The following CALN1 variants were observed in gnomAD, a reference collection of about 807,000 sequenced individuals.
CALN1 encodes calneuron 1, also known as calcium-binding protein 8.
CALN1 carries 17 observed loss-of-function variants against 30.6 expected under a neutral mutation model. The observed-to-expected ratio is 0.56, with a 90% CI of 0.38 to 0.83. CALN1 has a LOEUF of 0.83. Ranked by LOEUF, CALN1 falls within the 40% of genes least tolerant of loss-of-function variation. The pLI is 0.00. For missense variants in CALN1, 291 were observed against 354.9 expected, an observed-to-expected ratio of 0.82 and a Z score of 1.45; for synonymous variants, 156 against 131.4, an observed-to-expected ratio of 1.19 and a Z score of -1.28.
chr7:72,478,513 A>G, the CALN1 span, among the ~76,000 whole-genome samples: 1 of 151,846 alleles, frequency 6.6e-6, no homozygotes, highest in Admixed American at 6.6e-5. Context: ...GCAGTAAGCT[A>G]TGATCACACC....
In CALN1 at chr7:71,783,743, TTCTC is replaced by T. The variant is rs1792841755; in HGVS notation, c.*4028_*4031del. ...GGCATTTGGAATAAAAGGTAAACTTTTCTCTCTCAGTTCTGAAACATATCGCTTT... is the reference window on the plus strand; with the variant it reads ...GGCATTTGGAATAAAAGGTAAACTTTTCTCAGTTCTGAAACATATCGCTTT... On this transcript the variant is annotated 3_prime_UTR_variant, in exon 7 of 7. Transcript: ENST00000395275. The T allele has an allele frequency of 6.5e-6, 1 of 152,672 alleles. No individual in the cohort carries two copies. Among genetic ancestry groups the T allele is most frequent in the African/African-American group, 2.4e-5 (1 of 41,462 alleles). 9.5% of individuals were successfully genotyped at this position (152,672 alleles called of 1,614,324 possible).
At chr7:72,439,268 G>A (rs1288122831) in intron 1 of CALN1, among the ~76,000 whole-genome samples, 1 of 152,150 alleles carries the variant, frequency 6.6e-6, no homozygotes, top group East Asian at 1.9e-4. Context: ...CTGAGCTCAT[G>A]CAATCCTCCT....
At chr7:71,865,700 G>C (rs1388022259) in intron 5 of CALN1, among the ~76,000 whole-genome samples, 2 of 152,248 alleles carry the variant, frequency 1.3e-5, no homozygotes, top group Non-Finnish European at 2.9e-5. Context: ...TGGGGTATTG[G>C]TAATATTTCA....
intron 4 of CALN1, among the ~76,000 whole-genome samples, chr7:72,054,526 T>C (rs1563015872): frequency 6.6e-5 from 6 of 90,616 alleles, no homozygotes; most frequent in African/African-American, 2.6e-4. Flanking sequence ...TATACATATA[T>C]ACATACATAT....
intron 2 of CALN1, among the ~76,000 whole-genome samples, chr7:72,369,641 G>A (rs940452112): frequency 3.9e-5 from 6 of 152,018 alleles, no homozygotes; most frequent in South Asian, 2.1e-4. Context: ...GATTACAAGC[G>A]TAATCTCTCC....
At chr7:71,833,723 C>G (rs1240385796) in intron 5 of CALN1, among the ~76,000 whole-genome samples, 1 of 152,038 alleles carries the variant, frequency 6.6e-6, no homozygotes, top group Non-Finnish European at 1.5e-5. Flanking sequence ...GGTACCATAG[C>G]AAGACCCTGT....
chr7:72,212,298 G>A (rs574023671), intron 3 of CALN1, among the ~76,000 whole-genome samples: 84 of 148,180 alleles, frequency 5.7e-4, no homozygotes, highest in Non-Finnish European at 9.3e-4. Flanking sequence ...TGCAGTGAGC[G>A]GAGACTGTGG....
At position 72,369,869 on chromosome 7, in the gene CALN1, T is replaced by C. The variant is rs139367757; in HGVS notation, c.119+33382A>G. Among the ~76,000 whole-genome samples, 592 of 152,350 alleles carry C rather than the reference T, an allele frequency of 3.9e-3. 4 individuals are homozygous for C. The highest frequency in any genetic ancestry group is 0.017 in the Middle Eastern group (5 of 294). ...CACAATTTGTTAATCCACTAACCTA[T>C]TGATGGACATTTAACATGCTTTCAG... is the stretch of plus-strand genomic sequence containing the variant. On this transcript the variant is annotated intron_variant, in intron 2 of 6. Transcript: ENST00000395275.
intron 3 of CALN1, among the ~76,000 whole-genome samples, chr7:72,244,572 T>C (rs1795043882): frequency 6.6e-6 from 1 of 152,002 alleles, no homozygotes; most frequent in Admixed American, 6.6e-5. Context: ...CTTTTTTTTT[T>C]TTTAAATCAG....
intron 5 of CALN1, among the ~76,000 whole-genome samples, chr7:71,936,573 T>C (rs558034610): frequency 6.6e-6 from 1 of 152,224 alleles, no homozygotes; most frequent in Non-Finnish European, 1.5e-5. Context: ...TCCATTTGTC[T>C]GGTATGGGGC....
chr7:72,451,212 G>GAAGAAGAAGAAGAAGAAGAAGAAGA (rs1562973699), upstream of CALN1, among the ~76,000 whole-genome samples: 27 of 102,114 alleles, frequency 2.6e-4, no homozygotes, highest in African/African-American at 1.4e-3. Flanking sequence ...GAAGAAGAAG[G>GAAGAAGAAGAAGAAGAAGAAGAAGA]AGGAGGAGGA....
chr7:72,299,428 T>G (rs1344797468), intron 2 of CALN1, among the ~76,000 whole-genome samples: 1 of 152,170 alleles, frequency 6.6e-6, no homozygotes, highest in Non-Finnish European at 1.5e-5. Context: ...GTGAAATACA[T>G]GTAAATATTT....
intron 3 of CALN1, among the ~76,000 whole-genome samples, chr7:72,220,052 T>C (rs1793165377): frequency 6.6e-6 from 1 of 151,964 alleles, no homozygotes; most frequent in Non-Finnish European, 1.5e-5. Context: ...TGTTTTATTA[T>C]TATTATACTT....
intron 3 of CALN1, among the ~76,000 whole-genome samples, chr7:72,181,066 C>T (rs1789749911): frequency 6.9e-6 from 1 of 144,674 alleles, no homozygotes; most frequent in South Asian, 2.2e-4. Flanking sequence ...CCACTGCACT[C>T]CAGCCTGGGC....
At chr7:71,972,991 T>C (rs1290308522) in intron 5 of CALN1, among the ~76,000 whole-genome samples, 2 of 152,118 alleles carry the variant, frequency 1.3e-5, no homozygotes, top group South Asian at 2.1e-4. Context: ...GGTGAGAGAA[T>C]TGTCCTCCAA....
At chr7:72,321,511 C>T (rs1010536883) in intron 2 of CALN1, among the ~76,000 whole-genome samples, 3 of 152,264 alleles carry the variant, frequency 2.0e-5, no homozygotes, top group East Asian at 3.9e-4. Context: ...GGGCGAAAAT[C>T]GTAAACGTAA....
intron 5 of CALN1, among the ~76,000 whole-genome samples, chr7:71,966,805 G>A (rs978202545): frequency 1.3e-5 from 2 of 152,150 alleles, no homozygotes; most frequent in African/African-American, 4.8e-5. Context: ...AAAGCCTAAT[G>A]AAAATTATAG....
chr7:72,459,245 G>A, the CALN1 span, among the ~76,000 whole-genome samples: 1 of 152,120 alleles, frequency 6.6e-6, no homozygotes, highest in Non-Finnish European at 1.5e-5. Flanking sequence ...TTAGCTCCCT[G>A]ATGTAAAATG....
intron 5 of CALN1, among the ~76,000 whole-genome samples, chr7:71,927,774 C>T (rs1347719132): frequency 2.6e-5 from 4 of 152,122 alleles, no homozygotes; most frequent in Admixed American, 2.0e-4. Context: ...CCCTGTGTCC[C>T]TAAGTCTTGC....
Sources: gnomAD v4.1 joint callset for allele counts (sites outside exome capture counted in the v4.1 genomes callset) on GRCh38, gnomAD v4.1.1 for gene constraint, MANE v1.5 for transcripts, NCBI Gene and HGNC (gene_info 2026-07-23, HGNC 2026-07-21) for gene names.